Variants in ATP1B3 observed in about 807,000 individuals in gnomAD.
The protein encoded by ATP1B3 is ATPase Na+/K+ transporting subunit beta 3.
A neutral mutation model predicts 30.2 loss-of-function variants in ATP1B3; 10 were observed. The observed-to-expected ratio is 0.33, with a 90% confidence interval of 0.20 to 0.56. ATP1B3 has a LOEUF of 0.56. Ranked by LOEUF, ATP1B3 falls within the 20% of genes least tolerant of loss-of-function variation. The pLI is 0.90. For missense variants in ATP1B3, 238 were observed against 336.7 expected (o/e 0.71, Z 2.29); for synonymous variants, 113 against 117.0 (o/e 0.97, Z 0.22).
chr3:141,884,300 A>G (rs1327451372), intron 1 of ATP1B3, among the ~76,000 whole-genome samples: 1 of 152,136 alleles, frequency 6.6e-6, no homozygotes, highest in East Asian at 1.9e-4. Flanking sequence ...CCTGCAAGGC[A>G]TGGGGTACTT....
At chr3:141,887,023 T>C (rs1933848117) in intron 1 of ATP1B3, among the ~76,000 whole-genome samples, 1 of 152,074 alleles carries the variant, frequency 6.6e-6, no homozygotes, top group South Asian at 2.1e-4. Context: ...AAAAAGACAT[T>C]GTATGAGATA....
intron 1 of ATP1B3, among the ~76,000 whole-genome samples, 181 bp downstream of exon 1, chr3:141,877,091 C>T (rs1933614657): frequency 6.6e-6 from 1 of 150,902 alleles, no homozygotes; most frequent in South Asian, 2.1e-4. Flanking sequence ...GCCGGCCGGA[C>T]TGGCCGCAGC....
At chr3:141,913,946 A>T (rs991170441) in intron 4 of ATP1B3, 110 bp downstream of exon 4, 9 of 1,057,774 alleles carry the variant, frequency 8.5e-6, no homozygotes, top group African/African-American at 3.3e-5. Flanking sequence ...ATTAAAAGTT[A>T]TCATTTGGGG....
rs1168549266 is a variant in ATP1B3 at position 141,889,728 on chromosome 3, C to CA, written c.109+12841dup. ...GGGCAAAAAGAGCGAGACTCCGTCTCAAAAAAAAAAAAAAAAAAAAAAATA... is the reference window on the plus strand; with the variant it reads ...GGGCAAAAAGAGCGAGACTCCGTCTCAAAAAAAAAAAAAAAAAAAAAAAATA... On this transcript the variant is annotated intron_variant, in intron 1 of 6. Coordinates refer to ENST00000286371, the MANE Select transcript of ATP1B3 (RefSeq NM_001679.4). 7.1e-3 allele frequency among the ~76,000 whole-genome samples: 345 copies of CA among 48,466 alleles called. 27 individuals are homozygous for CA. Among genetic ancestry groups the CA allele is most frequent in the South Asian group, 0.041 (39 of 954 alleles). The allele number at this position is 48,466 out of a possible 152,430, so 31.8% of individuals were successfully genotyped here.
intron 3 of ATP1B3, among the ~76,000 whole-genome samples, chr3:141,909,404 A>G (rs74675657): frequency 0.031 from 4,754 of 152,288 alleles, 252 homozygotes; most frequent in African/African-American, 0.11. Flanking sequence ...GTGAATTAGA[A>G]GATAGTACAT....
intron 1 of ATP1B3, among the ~76,000 whole-genome samples, chr3:141,881,323 G>A (rs1933722373): frequency 6.6e-6 from 1 of 152,148 alleles, no homozygotes; most frequent in Non-Finnish European, 1.5e-5. Flanking sequence ...GTCAGTAAAT[G>A]CTTTGTATTA....
intron 1 of ATP1B3, among the ~76,000 whole-genome samples, chr3:141,882,554 C>T (rs903527182): frequency 6.6e-6 from 1 of 151,988 alleles, no homozygotes; most frequent in Non-Finnish European, 1.5e-5. Flanking sequence ...GTTGGGACTC[C>T]CAAAGCTGCA....
intron 2 of ATP1B3, among the ~76,000 whole-genome samples, chr3:141,906,334 C>G (rs1328528690): frequency 2.6e-5 from 4 of 152,172 alleles, no homozygotes; most frequent in Non-Finnish European, 5.9e-5. Flanking sequence ...CATGCACCAC[C>G]ACACCCACCT....
chr3:141,910,110 T>C (rs1934333984), intron 3 of ATP1B3, among the ~76,000 whole-genome samples: 1 of 152,170 alleles, frequency 6.6e-6, no homozygotes, highest in Non-Finnish European at 1.5e-5. Flanking sequence ...TAGTTAGGAA[T>C]ACAGGCTCAC....
At chr3:141,901,714 T>C (rs1934166102) in intron 1 of ATP1B3, among the ~76,000 whole-genome samples, 1 of 152,236 alleles carries the variant, frequency 6.6e-6, no homozygotes, top group African/African-American at 2.4e-5. Flanking sequence ...TTATAACTAT[T>C]TTGTAAATTT....
chr3:141,905,206 G>A (rs1486679059), intron 2 of ATP1B3, among the ~76,000 whole-genome samples: 2 of 152,190 alleles, frequency 1.3e-5, no homozygotes, highest in African/African-American at 2.4e-5. Context: ...TCCTAGAGGA[G>A]TGGGATTTAG....
intron 5 of ATP1B3, among the ~76,000 whole-genome samples, chr3:141,921,070 T>G (rs915951256): frequency 6.6e-6 from 1 of 151,550 alleles, no homozygotes; most frequent in Non-Finnish European, 1.5e-5. Flanking sequence ...CTCAAAAAAA[T>G]TTTTTTATAT....
chr3:141,893,091 T>G (rs1933989349), intron 1 of ATP1B3, among the ~76,000 whole-genome samples: 1 of 152,066 alleles, frequency 6.6e-6, no homozygotes, highest in Non-Finnish European at 1.5e-5. Context: ...CTCCACAAGC[T>G]TCCACCTCTC....
chr3:141,914,857 C>T (rs1431194021), intron 4 of ATP1B3, among the ~76,000 whole-genome samples: 1 of 152,198 alleles, frequency 6.6e-6, no homozygotes, highest in African/African-American at 2.4e-5. Context: ...TTTGGGAGGC[C>T]TTGGACAACT....
At chr3:141,878,028 G>A (rs1490678375) in intron 1 of ATP1B3, among the ~76,000 whole-genome samples, 4 of 152,126 alleles carry the variant, frequency 2.6e-5, no homozygotes, top group African/African-American at 9.7e-5. Context: ...ATAAACTGTT[G>A]GTGCAGACTG....
At chr3:141,898,804 A>C (rs1483599595) in intron 1 of ATP1B3, among the ~76,000 whole-genome samples, 2 of 152,246 alleles carry the variant, frequency 1.3e-5, no homozygotes, top group Non-Finnish European at 2.9e-5. Flanking sequence ...AACATTATTC[A>C]TAATGGCCAA....
intron 5 of ATP1B3, among the ~76,000 whole-genome samples, 153 bp downstream of exon 5, chr3:141,916,173 C>T (rs1934458336): frequency 6.6e-6 from 1 of 152,174 alleles, no homozygotes. Flanking sequence ...CGTAGTCTTT[C>T]TCTTCCTTAA....
At chr3:141,890,833 A>T (rs929214905) in intron 1 of ATP1B3, among the ~76,000 whole-genome samples, 1 of 152,208 alleles carries the variant, frequency 6.6e-6, no homozygotes, top group Non-Finnish European at 1.5e-5. Context: ...TCAGCCTCCC[A>T]CAGTGCTGGG....
chr3:141,900,448 C>T (rs1934142740), intron 1 of ATP1B3, among the ~76,000 whole-genome samples: 1 of 152,132 alleles, frequency 6.6e-6, no homozygotes, highest in Non-Finnish European at 1.5e-5. Flanking sequence ...CTCCCAGACC[C>T]CATTCTACAT....
Sources: gnomAD v4.1 joint callset for allele counts (sites outside exome capture counted in the v4.1 genomes callset) on GRCh38, gnomAD v4.1.1 for gene constraint, MANE v1.5 for transcripts, NCBI Gene and HGNC (gene_info 2026-07-23, HGNC 2026-07-21) for gene names.